The following GARRE1 variants were observed in gnomAD, a reference collection of about 807,000 sequenced individuals.
The protein encoded by GARRE1 is granule associated Rac and RHOG effector protein 1.
A neutral mutation model predicts 103.2 loss-of-function variants in GARRE1; 49 were observed. The observed-to-expected ratio is 0.47, with a 90% CI of 0.38 to 0.60. The LOEUF is 0.60. Ranked by LOEUF, GARRE1 falls within the 20% of genes least tolerant of loss-of-function variation. The pLI, the probability that GARRE1 is intolerant of heterozygous loss-of-function variation, is 0.00. For synonymous variants in GARRE1, 505 were observed against 532.8 expected (o/e 0.95, Z 0.72); for missense variants, 1,199 against 1,370.5 (o/e 0.87, Z 1.98).
At chr19:34,324,865 A>AT (rs1267689827) in intron 3 of GARRE1, among the ~76,000 whole-genome samples, 4 of 151,812 alleles carry the variant, frequency 2.6e-5, no homozygotes, top group Admixed American at 6.6e-5. Flanking sequence ...ATATTTTAAT[A>AT]TTTTTTCCGT....
At chr19:34,330,493 G>A in intron 7 of GARRE1, 146 bp downstream of exon 7, 6 of 736,872 alleles carry the variant, frequency 8.1e-6, no homozygotes, top group East Asian at 5.5e-5. Context: ...AGGTAGACAA[G>A]GTAAAGGAAG....
chr19:34,318,807 C>T (rs922203491), intron 2 of GARRE1, among the ~76,000 whole-genome samples: 16 of 151,968 alleles, frequency 1.1e-4, no homozygotes, highest in Admixed American at 6.6e-5. Flanking sequence ...TTTGGGAGGC[C>T]GAGGCAGGTG....
chr19:34,256,531 AAAAG>A (rs2073674094), intron 1 of GARRE1, among the ~76,000 whole-genome samples: 1 of 151,976 alleles, frequency 6.6e-6, no homozygotes, highest in South Asian at 2.1e-4. Flanking sequence ...AAAAAAAAAA[AAAAG>A]AAATTCATGT....
chr19:34,296,478 A>G lies in GARRE1; in HGVS notation c.-795-3201A>G, dbSNP rs948680282. 2.1e-5 allele frequency: 34 copies of G among 1,594,504 alleles called. No homozygotes were observed. In the Admixed American group the frequency reaches 5.5e-4, roughly 26 times the overall value. ...GGCAAGTCGATCGAGCTTGTGGCTG[A>G]CACCCTTTGGGATCTTGGGCTTAAC... On this transcript the variant is annotated intron_variant, in intron 1 of 13. Transcript: ENST00000299505.
At chr19:34,277,906 C>A (rs918254413) in intron 1 of GARRE1, among the ~76,000 whole-genome samples, 4 of 98,072 alleles carry the variant, frequency 4.1e-5, no homozygotes, top group South Asian at 3.8e-4. Context: ...ATTTCACCCC[C>A]CCCCCCCACC....
At chr19:34,264,929 A>C (rs1395962451) in intron 1 of GARRE1, among the ~76,000 whole-genome samples, 1 of 152,048 alleles carries the variant, frequency 6.6e-6, no homozygotes, top group Admixed American at 6.6e-5. Context: ...ATTAACCGTG[A>C]GTCTGTTCTA....
At chr19:34,319,757 TC>T in intron 2 of GARRE1, 149 bp from the exon 3 acceptor site, 1 of 677,232 alleles carries the variant, frequency 1.5e-6, no homozygotes, top group Non-Finnish European at 2.6e-6. Context: ...CAAAGGCAGA[TC>T]CTTCTGAAGC....
chr19:34,301,039 G>GT, intron 2 of GARRE1, 71 bp downstream of exon 2: 1 of 1,478,978 alleles, frequency 6.8e-7, no homozygotes, highest in Non-Finnish European at 9.1e-7. Context: ...ATTGTCTTAA[G>GT]TTTTTTTCCA....
chr19:34,296,151 G>A (rs1049011944), intron 1 of GARRE1: 23 of 193,434 alleles, frequency 1.2e-4, no homozygotes, highest in Non-Finnish European at 1.7e-4. Flanking sequence ...TGGATCCCTC[G>A]CTTTTTTTTT....
intron 8 of GARRE1, 24 bp downstream of exon 8, chr19:34,333,825 G>A (rs1242153240): frequency 5.9e-6 from 8 of 1,364,052 alleles, no homozygotes; most frequent in Admixed American, 5.1e-5. Flanking sequence ...TACTTTCACC[G>A]GAGCCTAAGC....
intron 1 of GARRE1, among the ~76,000 whole-genome samples, chr19:34,274,278 G>T (rs2073804358): frequency 6.6e-6 from 1 of 152,072 alleles, no homozygotes; most frequent in Non-Finnish European, 1.5e-5. Context: ...TGTGGTGTAT[G>T]CCTGTAATCC....
intron 3 of GARRE1, among the ~76,000 whole-genome samples, chr19:34,324,416 C>T (rs2074102610): frequency 6.6e-6 from 1 of 152,100 alleles, no homozygotes; most frequent in South Asian, 2.1e-4. Flanking sequence ...GAACATTTCA[C>T]ACCCATCAGT....
At chr19:34,261,286 C>T (rs1373906053) in intron 1 of GARRE1, among the ~76,000 whole-genome samples, 1 of 152,112 alleles carries the variant, frequency 6.6e-6, no homozygotes, top group Non-Finnish European at 1.5e-5. Flanking sequence ...GCACCTTTCT[C>T]TTAGTGTTGC....
intron 7 of GARRE1, 53 bp downstream of exon 7, chr19:34,330,400 A>G: frequency 6.4e-7 from 1 of 1,562,054 alleles, no homozygotes; most frequent in Non-Finnish European, 8.8e-7. Context: ...TGTTTCAAGC[A>G]TGTGAGGATG....
At chr19:34,325,102 C>T (rs1230639244) in intron 3 of GARRE1, among the ~76,000 whole-genome samples, 1 of 152,166 alleles carries the variant, frequency 6.6e-6, no homozygotes, top group East Asian at 1.9e-4. Flanking sequence ...GAAATACTCT[C>T]AGCTTGTGAC....
Position 34,347,874 on chromosome 19 carries a change from C to A in GARRE1, c.2522-3C>A. The A allele has an allele frequency of 6.5e-7, 1 of 1,538,706 alleles. No individual in the cohort carries two copies. The highest frequency in any genetic ancestry group is 8.8e-7 in the Non-Finnish European group (1 of 1,137,454). On this transcript the variant is annotated splice_polypyrimidine_tract_variant and splice_region_variant and intron_variant, in intron 10 of 13. Coordinates refer to ENST00000299505, the MANE Select transcript of GARRE1 (RefSeq NM_014686.5). ...CCCGGTTTATTCCTTTGTCCCAATG[C>A]AGTGGGCTCAGACCCAGAGTTTGCA...
chr19:34,310,590 C>T (rs1427179682), intron 2 of GARRE1, among the ~76,000 whole-genome samples: 1 of 152,248 alleles, frequency 6.6e-6, no homozygotes, highest in African/African-American at 2.4e-5. Context: ...GGCCTGCCTT[C>T]CTCTTCTCCC....
At chr19:34,257,155 G>A (rs2145947449) in intron 1 of GARRE1, among the ~76,000 whole-genome samples, 2 of 85,636 alleles carry the variant, frequency 2.3e-5, no homozygotes, top group African/African-American at 4.4e-5. Flanking sequence ...CATGTTTTAA[G>A]CATCCTTTTT....
intron 1 of GARRE1, among the ~76,000 whole-genome samples, chr19:34,255,202 G>C (rs372022433): frequency 2.6e-5 from 4 of 152,160 alleles, no homozygotes; most frequent in African/African-American, 4.8e-5. Flanking sequence ...CGCGGGGACC[G>C]GGAGGGCCGG....
Sources: allele counts gnomAD v4.1 joint callset (sites outside exome capture counted in the v4.1 genomes callset), GRCh38; gene constraint gnomAD v4.1.1; transcripts MANE v1.5; gene names NCBI Gene and HGNC (gene_info 2026-07-23, HGNC 2026-07-21).